The following CDS1 variants were observed in gnomAD, a reference collection of about 807,000 sequenced individuals.
CDS1 encodes phosphatidate cytidylyltransferase 1.
CDS1 carries 41 observed loss-of-function variants against 62.1 expected under a neutral mutation model. That is an observed-to-expected ratio of 0.66 (90% CI 0.51 to 0.86). The LOEUF (loss-of-function observed/expected upper bound fraction) is 0.86. Among genes scored for constraint, CDS1 ranks in the 40% least tolerant of loss-of-function variants. CDS1 has a pLI of 0.00. For synonymous variants in CDS1, 185 were observed against 192.6 expected (o/e 0.96, Z 0.32); for missense variants, 470 against 550.1 (o/e 0.85, Z 1.46).
chr4:84,638,465 G>A (rs946184829), intron 8 of CDS1, among the ~76,000 whole-genome samples: 1 of 152,164 alleles, frequency 6.6e-6, no homozygotes, highest in Admixed American at 6.5e-5. Flanking sequence ...GTGCTAAAAT[G>A]TCCATGTTTT....
intron 2 of CDS1, among the ~76,000 whole-genome samples, chr4:84,607,963 A>T (rs1723182426): frequency 6.6e-6 from 1 of 152,208 alleles, no homozygotes; most frequent in Admixed American, 6.5e-5. Context: ...AGCTGCCAAC[A>T]GTTTATATGA....
chr4:84,607,548 C>T (rs1393353895), intron 2 of CDS1, among the ~76,000 whole-genome samples: 1 of 151,144 alleles, frequency 6.6e-6, no homozygotes, highest in Non-Finnish European at 1.5e-5. Flanking sequence ...GTCTCAAACT[C>T]CTGGGCTGAA....
chr4:84,606,305 AGTGTGTGT>A (rs60828105), intron 2 of CDS1, among the ~76,000 whole-genome samples: 6,735 of 146,494 alleles, frequency 0.046, 178 homozygotes, highest in African/African-American at 0.073. Flanking sequence ...TTTCTTGTGC[AGTGTGTGT>A]GTGTGTGTGT....
intron 1 of CDS1, among the ~76,000 whole-genome samples, chr4:84,591,972 G>A (rs1722602404): frequency 6.6e-6 from 1 of 152,082 alleles, no homozygotes; most frequent in Non-Finnish European, 1.5e-5. Flanking sequence ...ATTTAAAACA[G>A]CACTTCAAGT....
At position 84,645,224 on chromosome 4, in the gene CDS1, T is replaced by C. The variant is rs1724521332; in HGVS notation, c.1155T>C (p.Asp385=). ...SGFKRAFKIK[D]FANTIPGHGG... ...AATATATTTGTTTGTTTCTAAAGGATTTTGCAAATACCATTCCTGGACATG... is the reference window on the plus strand; with the variant it reads ...AATATATTTGTTTGTTTCTAAAGGACTTTGCAAATACCATTCCTGGACATG... Residue 385 remains aspartate (D), a splice_region_variant and synonymous_variant, in exon 12 of 13, where the codon GAT becomes GAC. Transcript: ENST00000295887. 6.2e-7 allele frequency: 1 copy of C among 1,601,990 alleles called. No individual in the cohort carries two copies. Among genetic ancestry groups the C allele is most frequent in the Admixed American group, 1.7e-5 (1 of 59,444 alleles).
intron 5 of CDS1, among the ~76,000 whole-genome samples, chr4:84,631,472 C>A (rs1724017370): frequency 6.6e-6 from 1 of 152,158 alleles, no homozygotes; most frequent in Non-Finnish European, 1.5e-5. Context: ...ACATTCTGTA[C>A]ATACACTTGA....
intron 1 of CDS1, among the ~76,000 whole-genome samples, chr4:84,600,717 T>C (rs556605610): frequency 6.6e-6 from 1 of 152,334 alleles, no homozygotes; most frequent in Admixed American, 6.5e-5. Flanking sequence ...ACAGGTAATA[T>C]AAGTCCTTCA....
chr4:84,614,751 G>A (rs1207385517), intron 3 of CDS1, among the ~76,000 whole-genome samples: 1 of 152,164 alleles, frequency 6.6e-6, no homozygotes, highest in African/African-American at 2.4e-5. Context: ...AAACAAAATT[G>A]CACTTCAGAG....
intron 1 of CDS1, among the ~76,000 whole-genome samples, chr4:84,588,199 T>C (rs1485185150): frequency 6.6e-6 from 1 of 152,128 alleles, no homozygotes; most frequent in African/African-American, 2.4e-5. Context: ...ATAGTGTGCT[T>C]TCAGGTAAGA....
chr4:84,613,448 A>C (rs1723391502), intron 3 of CDS1, among the ~76,000 whole-genome samples: 1 of 152,120 alleles, frequency 6.6e-6, no homozygotes, highest in African/African-American at 2.4e-5. Context: ...GTCTCTACTC[A>C]AAATACAAAA....
chr4:84,591,390 A>G (rs1722587498), intron 1 of CDS1, among the ~76,000 whole-genome samples: 1 of 152,212 alleles, frequency 6.6e-6, no homozygotes, highest in Admixed American at 6.5e-5. Flanking sequence ...CTGTGCATTC[A>G]GTAAATGCTT....
intron 3 of CDS1, among the ~76,000 whole-genome samples, chr4:84,613,897 T>C (rs1263066581): frequency 1.3e-5 from 2 of 152,198 alleles, no homozygotes; most frequent in Non-Finnish European, 1.5e-5. Flanking sequence ...GTGTGTTTAC[T>C]TTTTCCTATT....
intron 2 of CDS1, among the ~76,000 whole-genome samples, chr4:84,605,680 G>A (rs1009377835): frequency 5.3e-5 from 8 of 152,106 alleles, no homozygotes; most frequent in Middle Eastern, 6.3e-3. Context: ...CTGTAAGAAT[G>A]ATGCCAGATT....
At chr4:84,587,012 C>T (rs1161459641) in intron 1 of CDS1, among the ~76,000 whole-genome samples, 1 of 151,726 alleles carries the variant, frequency 6.6e-6, no homozygotes, top group African/African-American at 2.4e-5. Context: ...ATTGGGATAT[C>T]CAAGGAAAGA....
intron 5 of CDS1, among the ~76,000 whole-genome samples, chr4:84,626,355 CT>C (rs1341209176): frequency 6.6e-6 from 1 of 152,164 alleles, no homozygotes; most frequent in East Asian, 1.9e-4. Flanking sequence ...AATAATAGAT[CT>C]TTTTACACTT....
At chr4:84,624,029 T>G (rs1723772722) in intron 5 of CDS1, among the ~76,000 whole-genome samples, 1 of 151,994 alleles carries the variant, frequency 6.6e-6, no homozygotes, top group East Asian at 1.9e-4. Flanking sequence ...CCCAGCACTT[T>G]GAGAGGCCGA....
rs34657842 is a variant in CDS1, at chr4:84,593,506, GT to G, written c.117+9998del. Among the ~76,000 whole-genome samples, 329 of 149,188 alleles carry G rather than the reference GT, an allele frequency of 2.2e-3. 1 individual carries two copies. Among genetic ancestry groups the G allele is most frequent in the African/African-American group, 7.5e-3 (304 of 40,640 alleles). On this transcript the variant is annotated intron_variant, in intron 1 of 12. Transcript: ENST00000295887. ...CAGCAGCAGTTACAAGGTTTTTTTT[GT>G]TTTTTTTTTCTCGTTTAGATAGAGT...
intron 1 of CDS1, among the ~76,000 whole-genome samples, chr4:84,603,109 T>C (rs1722986468): frequency 6.6e-6 from 1 of 152,228 alleles, no homozygotes; most frequent in Admixed American, 6.5e-5. Context: ...CTTGGCATTA[T>C]ACTAAATGCT....
At chr4:84,594,759 A>T (rs944106180) in intron 1 of CDS1, among the ~76,000 whole-genome samples, 1 of 152,172 alleles carries the variant, frequency 6.6e-6, no homozygotes, top group Non-Finnish European at 1.5e-5. Context: ...ATATATACAC[A>T]GTTGGCTCTC....
Sources: allele counts gnomAD v4.1 joint callset (sites outside exome capture counted in the v4.1 genomes callset), GRCh38; gene constraint gnomAD v4.1.1; transcripts MANE v1.5; gene names NCBI Gene and HGNC (gene_info 2026-07-23, HGNC 2026-07-21).